Variants in STPG2 observed in about 807,000 individuals in gnomAD.
STPG2 encodes sperm-tail PG-rich repeat-containing protein 2.
In STPG2, 56 loss-of-function variants were observed where a neutral mutation model predicts 54.2. That is an observed-to-expected ratio of 1.03 (90% confidence interval 0.83 to 1.29). The LOEUF is 1.29. Among genes scored for constraint, STPG2 ranks in the 50% most tolerant of loss-of-function variants. The probability of loss-of-function intolerance (pLI) is 0.00; values close to 1 mark genes in which losing one functional copy is unlikely to be tolerated. For synonymous variants in STPG2, 200 were observed against 181.8 expected (o/e 1.10, Z -0.81); for missense variants, 596 against 544.9 (o/e 1.09, Z -0.93).
chr4:97,557,639 C>G (rs891503825), downstream of STPG2, among the ~76,000 whole-genome samples: 6 of 151,934 alleles, frequency 3.9e-5, no homozygotes, highest in African/African-American at 1.5e-4. Context: ...AATAAGGTGG[C>G]AGAAAAGACA....
chr4:97,629,090 T>G (rs1721162589), intron 10 of STPG2, among the ~76,000 whole-genome samples: 1 of 151,952 alleles, frequency 6.6e-6, no homozygotes, highest in Non-Finnish European at 1.5e-5. Flanking sequence ...TTAACTACCT[T>G]AAATAAGTTT....
At chr4:97,815,512 T>C (rs1293679231) in intron 9 of STPG2, among the ~76,000 whole-genome samples, 1 of 152,200 alleles carries the variant, frequency 6.6e-6, no homozygotes, top group Non-Finnish European at 1.5e-5. Flanking sequence ...ATACTCAACC[T>C]GTATATATAA....
At position 97,750,063 on chromosome 4, in the gene STPG2, G is replaced by A. The variant is rs141167228; in HGVS notation, c.1205-37249C>T. Among the ~76,000 whole-genome samples, 569 of 151,904 alleles carry A rather than the reference G, an allele frequency of 3.7e-3. 1 individual carries two copies. The highest frequency in any genetic ancestry group is 0.013 in the African/African-American group (539 of 41,486). On this transcript the variant is annotated intron_variant, in intron 9 of 10. Coordinates refer to ENST00000295268, the MANE Select transcript of STPG2 (RefSeq NM_174952.3). ...TAATACAAATGCTATTTGCATAAGT[G>A]CAGATTTATTATTATGAGTTATCAG...
intron 4 of STPG2, among the ~76,000 whole-genome samples, chr4:97,453,604 T>C (rs1560614876): frequency 1.3e-5 from 2 of 152,166 alleles, no homozygotes; most frequent in African/African-American, 2.4e-5. Flanking sequence ...GGGACAGCAA[T>C]AGACTGAAAG....
At chr4:97,994,927 C>T (rs1396087944) in intron 5 of STPG2, among the ~76,000 whole-genome samples, 1 of 151,982 alleles carries the variant, frequency 6.6e-6, no homozygotes, top group Admixed American at 6.6e-5. Context: ...CAGGTTGGGG[C>T]AGAGTTAGGC....
chr4:97,636,513 GA>G (rs1578443046), intron 10 of STPG2, among the ~76,000 whole-genome samples: 1 of 147,798 alleles, frequency 6.8e-6, no homozygotes. Flanking sequence ...GAAGGAAATA[GA>G]GACACAAAAA....
intron 9 of STPG2, among the ~76,000 whole-genome samples, chr4:97,738,538 CA>C (rs1725104957): frequency 6.6e-6 from 1 of 151,600 alleles, no homozygotes; most frequent in Non-Finnish European, 1.5e-5. Context: ...AAATGGAAAA[CA>C]AAAAAAGGCA....
At chr4:97,684,218 G>T (rs1009605347) in intron 10 of STPG2, among the ~76,000 whole-genome samples, 5 of 151,804 alleles carry the variant, frequency 3.3e-5, no homozygotes, top group African/African-American at 1.2e-4. Context: ...ATCTCAGAAA[G>T]TTACCTGGTG....
intron 8 of STPG2, among the ~76,000 whole-genome samples, chr4:97,902,114 TA>T (rs1212206901): frequency 6.6e-6 from 1 of 151,966 alleles, no homozygotes; most frequent in Non-Finnish European, 1.5e-5. Context: ...AGCAAAAGAA[TA>T]AAATCAGATC....
chr4:97,842,507 T>C (rs779949558), intron 8 of STPG2, among the ~76,000 whole-genome samples: 1 of 151,916 alleles, frequency 6.6e-6, no homozygotes, highest in Non-Finnish European at 1.5e-5. Flanking sequence ...GTGCCTACTA[T>C]ACACTTTAGT....
chr4:97,864,168 G>T (rs1438120361), intron 8 of STPG2, among the ~76,000 whole-genome samples: 1 of 152,160 alleles, frequency 6.6e-6, no homozygotes, highest in Non-Finnish European at 1.5e-5. Context: ...GTCCCTGTTT[G>T]CAGATGACAT....
chr4:97,580,308 G>A (rs1732830829), intron 10 of STPG2, among the ~76,000 whole-genome samples: 2 of 151,772 alleles, frequency 1.3e-5, no homozygotes, highest in South Asian at 4.1e-4. Context: ...TATAATACAA[G>A]TTATAATGAT....
At chr4:97,700,719 C>A (rs762568100) in intron 10 of STPG2, among the ~76,000 whole-genome samples, 4 of 152,296 alleles carry the variant, frequency 2.6e-5, no homozygotes, top group Non-Finnish European at 4.4e-5. Context: ...AAGATTATGA[C>A]AAAAAGCCAG....
intron 8 of STPG2, among the ~76,000 whole-genome samples, chr4:97,921,577 G>C (rs1184039463): frequency 6.6e-6 from 1 of 151,518 alleles, no homozygotes; most frequent in Non-Finnish European, 1.5e-5. Flanking sequence ...CATGAAGATA[G>C]GTTATTTGAA....
chr4:97,576,997 C>T (rs917998173), intron 10 of STPG2, among the ~76,000 whole-genome samples: 1 of 152,140 alleles, frequency 6.6e-6, no homozygotes, highest in Non-Finnish European at 1.5e-5. Context: ...AAATGCTCAT[C>T]ATCACTAATC....
At chr4:97,923,823 T>A (rs1326530821) in intron 8 of STPG2, among the ~76,000 whole-genome samples, 2 of 152,186 alleles carry the variant, frequency 1.3e-5, no homozygotes, top group African/African-American at 2.4e-5. Flanking sequence ...AGAACTTTTA[T>A]GTCTAGCTCA....
chr4:97,758,395 GGAT>G (rs200905583), intron 9 of STPG2, among the ~76,000 whole-genome samples: 1,927 of 152,260 alleles, frequency 0.013, 46 homozygotes, highest in African/African-American at 0.044. Context: ...ATGATAGGCT[GGAT>G]AAGGAAAATG....
At chr4:97,834,374 G>C (rs1267339174) in intron 9 of STPG2, among the ~76,000 whole-genome samples, 2 of 152,068 alleles carry the variant, frequency 1.3e-5, no homozygotes, top group African/African-American at 2.4e-5. Flanking sequence ...GGGGCGCTAG[G>C]GGAGGGATAG....
chr4:97,816,640 G>A (rs942976550), intron 9 of STPG2, among the ~76,000 whole-genome samples: 1 of 152,138 alleles, frequency 6.6e-6, no homozygotes, highest in Admixed American at 6.6e-5. Flanking sequence ...TGAGCATCAT[G>A]CATCCTTTCA....
Sources: gnomAD v4.1 joint callset for allele counts (sites outside exome capture counted in the v4.1 genomes callset) on GRCh38, gnomAD v4.1.1 for gene constraint, MANE v1.5 for transcripts, NCBI Gene and HGNC (gene_info 2026-07-23, HGNC 2026-07-21) for gene names.